Variants in RPS6KA2 observed in about 807,000 individuals in gnomAD.
RPS6KA2 encodes the protein ribosomal protein S6 kinase alpha-2.
A neutral mutation model predicts 91.8 loss-of-function variants in RPS6KA2; 42 were observed. The observed-to-expected ratio is 0.46, with a 90% CI of 0.36 to 0.59. The LOEUF is 0.59. RPS6KA2 is among the 20% of genes least tolerant of loss of function. RPS6KA2 has a pLI of 0.00. For missense variants in RPS6KA2, 798 were observed against 978.5 expected, an observed-to-expected ratio of 0.82 and a Z score of 2.46; for synonymous variants, 414 against 393.6, an observed-to-expected ratio of 1.05 and a Z score of -0.61.
At chr6:166,489,012 C>T (rs1423788884) in intron 9 of RPS6KA2, 91 bp from the exon 10 acceptor site, 4 of 1,087,214 alleles carry the variant, frequency 3.7e-6, no homozygotes, top group Non-Finnish European at 5.5e-6. Flanking sequence ...AGACCTCAAT[C>T]GCAGTCACCC....
chr6:166,754,435 G>A (rs1192837450), intron 2 of RPS6KA2, among the ~76,000 whole-genome samples: 1 of 152,226 alleles, frequency 6.6e-6, no homozygotes, highest in African/African-American at 2.4e-5. Context: ...GAAGGAACAG[G>A]TGAGCCAGGG....
intron 1 of RPS6KA2, among the ~76,000 whole-genome samples, chr6:166,593,789 T>C (rs76026268): frequency 0.011 from 1,599 of 152,270 alleles, 15 homozygotes; most frequent in Non-Finnish European, 0.015. Flanking sequence ...AATAAACATA[T>C]GAACAAACTT....
At chr6:166,601,610 G>C (rs1020073538) in intron 1 of RPS6KA2, among the ~76,000 whole-genome samples, 1 of 152,158 alleles carries the variant, frequency 6.6e-6, no homozygotes, top group Non-Finnish European at 1.5e-5. Context: ...TCCTTATAGG[G>C]AATTGTGTGA....
At chr6:166,474,876 G>A (rs1181037305) in intron 10 of RPS6KA2, among the ~76,000 whole-genome samples, 2 of 152,266 alleles carry the variant, frequency 1.3e-5, no homozygotes, top group African/African-American at 2.4e-5. Flanking sequence ...CAAGCACAGA[G>A]GGACCAAATG....
intron 1 of RPS6KA2, among the ~76,000 whole-genome samples, chr6:166,605,542 C>A (rs1057073131): frequency 6.6e-6 from 1 of 152,060 alleles, no homozygotes; most frequent in Non-Finnish European, 1.5e-5. Flanking sequence ...TATCTAGGCA[C>A]GTAAAATGCC....
intron 2 of RPS6KA2, among the ~76,000 whole-genome samples, chr6:166,534,769 C>G (rs903410990): frequency 2.0e-5 from 3 of 152,226 alleles, no homozygotes; most frequent in African/African-American, 7.2e-5. Context: ...ATGGAAAAAA[C>G]TCCATCCTAC....
intron 13 of RPS6KA2, among the ~76,000 whole-genome samples, chr6:166,450,422 G>GACCACCATGGGGACCACCACAGGA (rs1311931301): frequency 7.0e-6 from 1 of 143,720 alleles, no homozygotes; most frequent in Non-Finnish European, 1.5e-5. Context: ...CCACCACAGG[G>GACCACCATGGGGACCACCACAGGA]ACCACCATGG....
chr6:166,850,048 C>A (rs548981753), intron 2 of RPS6KA2, among the ~76,000 whole-genome samples: 91 of 152,290 alleles, frequency 6.0e-4, no homozygotes, highest in Non-Finnish European at 9.6e-4. Context: ...TTCTTGGTGG[C>A]CACTCAACGT....
intron 15 of RPS6KA2, among the ~76,000 whole-genome samples, chr6:166,430,918 T>A (rs1779107340): frequency 6.6e-6 from 1 of 151,910 alleles, no homozygotes; most frequent in Non-Finnish European, 1.5e-5. Context: ...AGATATTTGT[T>A]ATTTATTTAT....
At position 166,755,896 on chromosome 6, in the gene RPS6KA2, G is replaced by A. The variant is rs773168373; in HGVS notation, c.123+102304C>T. ...TTAGAGACCTGTCTGTGCTTGTCACGTGTGGATAAGCCACTTGTTTTCTTT... is the reference window on the plus strand; with the variant it reads ...TTAGAGACCTGTCTGTGCTTGTCACATGTGGATAAGCCACTTGTTTTCTTT... On this transcript the variant is annotated intron_variant, in intron 2 of 21. Coordinates refer to the RPS6KA2 transcript ENST00000503859. Among the ~76,000 whole-genome samples the A allele has an allele frequency of 3.9e-4, 59 of 152,166 alleles. 1 individual carries two copies. Among genetic ancestry groups the A allele is most frequent in the Non-Finnish European group, 6.6e-4 (45 of 68,038 alleles).
At chr6:166,853,332 C>A (rs147107476) in intron 2 of RPS6KA2, among the ~76,000 whole-genome samples, 1 of 152,316 alleles carries the variant, frequency 6.6e-6, no homozygotes, top group East Asian at 1.9e-4. Flanking sequence ...AAAGGCTGTT[C>A]TGTGAAATAA....
At chr6:166,579,902 T>C (rs2128515005) in intron 1 of RPS6KA2, among the ~76,000 whole-genome samples, 1 of 152,310 alleles carries the variant, frequency 6.6e-6, no homozygotes, top group South Asian at 2.1e-4. Context: ...GACAACTAAA[T>C]AATCTGAGGA....
At chr6:166,521,816 G>A (rs537044598) in intron 3 of RPS6KA2, among the ~76,000 whole-genome samples, 9 of 152,200 alleles carry the variant, frequency 5.9e-5, no homozygotes, top group Non-Finnish European at 1.0e-4. Context: ...GGGGTGGAAC[G>A]CCATAGACTG....
chr6:166,468,904 TAAACTC>T (rs1780646679), intron 11 of RPS6KA2, among the ~76,000 whole-genome samples: 2 of 144,196 alleles, frequency 1.4e-5, no homozygotes, highest in Admixed American at 1.4e-4. Context: ...AAGCAGATAA[TAAACTC>T]TATACTGTAG....
chr6:166,732,903 CAACAA>C lies in RPS6KA2; in HGVS notation c.123+125292_123+125296del, dbSNP rs1416753977. On this transcript the variant is annotated intron_variant, in intron 2 of 21. Coordinates refer to the RPS6KA2 transcript ENST00000503859. This position sits in a 1 kb window ranked among gnomAD's most constrained non-coding sequence, Gnocchi z 4.0. ...TTGGTGTTCAAATAAAAGTAAGTCA[CAACAA>C]AACAAAAGACCTGAAGTGAAGCCTG... Among the ~76,000 whole-genome samples, 1 of 152,110 alleles carries C rather than the reference CAACAA, an allele frequency of 6.6e-6. No individual in the cohort carries two copies. The highest frequency in any genetic ancestry group is 1.5e-5 in the Non-Finnish European group (1 of 68,024).
At chr6:166,705,253 C>T (rs549681581) in intron 2 of RPS6KA2, among the ~76,000 whole-genome samples, 1 of 152,332 alleles carries the variant, frequency 6.6e-6, no homozygotes, top group African/African-American at 2.4e-5. Context: ...GGACGTTTCC[C>T]ATACCCAATC....
At position 166,465,810 on chromosome 6, in the gene RPS6KA2, G is replaced by A. The variant is rs77137131; in HGVS notation, c.972+4031C>T. On this transcript the variant is annotated intron_variant, in intron 11 of 20. Coordinates refer to ENST00000265678, the MANE Select transcript of RPS6KA2 (RefSeq NM_021135.6). ...GAGCAGCTGGAGGACGGGGCTCTGC[G>A]TTCCAGCTGTGACGTCATGGACATG... Among the ~76,000 whole-genome samples, 264 of 152,366 alleles carry A rather than the reference G, an allele frequency of 1.7e-3. 1 individual carries two copies. The highest frequency in any genetic ancestry group is 3.1e-3 in the Admixed American group (48 of 15,308).
intron 2 of RPS6KA2, among the ~76,000 whole-genome samples, chr6:166,815,876 T>C (rs1287199907): frequency 1.3e-5 from 2 of 152,204 alleles, no homozygotes; most frequent in African/African-American, 2.4e-5. Context: ...TCTATGATAA[T>C]TCATTCTACA....
intron 2 of RPS6KA2, among the ~76,000 whole-genome samples, chr6:166,672,637 G>C (rs913748052): frequency 6.6e-6 from 1 of 152,176 alleles, no homozygotes; most frequent in South Asian, 2.1e-4. Flanking sequence ...CCTCTACTGC[G>C]ATACTGTTTA....
Sources: allele counts gnomAD v4.1 joint callset (sites outside exome capture counted in the v4.1 genomes callset), GRCh38; gene constraint gnomAD v4.1.1; non-coding constraint Gnocchi (gnomAD v3.1); transcripts MANE v1.5; gene names NCBI Gene and HGNC (gene_info 2026-07-23, HGNC 2026-07-21).